The following DCAF6 variants were observed in gnomAD, a reference collection of about 807,000 sequenced individuals.
The protein encoded by DCAF6 is DDB1- and CUL4-associated factor 6.
DCAF6 carries 54 observed loss-of-function variants against 125.1 expected under a neutral mutation model. That is an observed-to-expected ratio of 0.43 (90% CI 0.35 to 0.54). The LOEUF (loss-of-function observed/expected upper bound fraction) is 0.54, where lower values mean the gene tolerates loss of function less well. Among genes scored for constraint, DCAF6 ranks in the 20% least tolerant of loss-of-function variants. DCAF6 has a pLI of 0.01. For synonymous variants in DCAF6, 371 were observed against 390.4 expected (o/e 0.95, Z 0.58); for missense variants, 934 against 1,161.7 (o/e 0.80, Z 2.85).
chr1:168,070,505 G>C (rs1692894343), intron 21 of DCAF6, among the ~76,000 whole-genome samples: 2 of 152,174 alleles, frequency 1.3e-5, no homozygotes, highest in African/African-American at 4.8e-5. Flanking sequence ...GATACGGACA[G>C]TTTCTTTCTG....
the DCAF6 span, chr1:167,924,641 T>C: frequency 3.8e-6 from 3 of 789,764 alleles, no homozygotes; most frequent in East Asian, 8.4e-5. Context: ...TTTATCAACC[T>C]ATTTTTAACC....
At chr1:168,041,995 A>G (rs1171897896) in intron 13 of DCAF6, among the ~76,000 whole-genome samples, 1 of 151,794 alleles carries the variant, frequency 6.6e-6, no homozygotes, top group Non-Finnish European at 1.5e-5. Context: ...ACACTGATGC[A>G]TAGCCTTCCT....
the DCAF6 span, among the ~76,000 whole-genome samples, chr1:167,908,050 C>G: frequency 6.6e-6 from 1 of 152,204 alleles, no homozygotes; most frequent in Non-Finnish European, 1.5e-5. Flanking sequence ...ATCTAACAAT[C>G]CCACATCTGG....
the DCAF6 span, chr1:167,901,610 G>C: frequency 6.3e-7 from 1 of 1,577,162 alleles, no homozygotes. Flanking sequence ...TGCCCCAGGA[G>C]TCAAGACCCT....
chr1:167,870,326 C>A, the DCAF6 span: 13 of 1,613,928 alleles, frequency 8.1e-6, no homozygotes, highest in Non-Finnish European at 1.1e-5. Context: ...TCCTGGTAAT[C>A]CCTCATACAT....
intron 1 of DCAF6, among the ~76,000 whole-genome samples, chr1:167,940,491 C>T (rs1672075383): frequency 6.7e-6 from 1 of 150,242 alleles, no homozygotes; most frequent in Non-Finnish European, 1.5e-5. Flanking sequence ...CATCCTCCCA[C>T]CTCAGCCTCC....
intron 12 of DCAF6, among the ~76,000 whole-genome samples, chr1:168,031,996 T>G (rs1558003393): frequency 6.6e-6 from 1 of 152,138 alleles, no homozygotes; most frequent in Non-Finnish European, 1.5e-5. Context: ...AAGCACAGTT[T>G]CAATCTAAAT....
At chr1:167,900,284 T>C in the DCAF6 span, among the ~76,000 whole-genome samples, 1 of 152,218 alleles carries the variant, frequency 6.6e-6, no homozygotes, top group Admixed American at 6.5e-5. Context: ...TATACTGATT[T>C]GTCAGGGCTG....
At chr1:168,068,237 AC>A in intron 20 of DCAF6, 120 bp from the exon 21 acceptor site, 1 of 570,716 alleles carries the variant, frequency 1.8e-6, no homozygotes, top group South Asian at 2.3e-5. Flanking sequence ...TAGACATCAG[AC>A]GCATAAAGAA....
At chr1:167,994,983 A>C (rs1681438312) in intron 7 of DCAF6, among the ~76,000 whole-genome samples, 1 of 151,658 alleles carries the variant, frequency 6.6e-6, no homozygotes, top group Non-Finnish European at 1.5e-5. Flanking sequence ...TACTTTATAA[A>C]TATACTTTGA....
intron 7 of DCAF6, among the ~76,000 whole-genome samples, chr1:167,994,046 A>G (rs1681270626): frequency 6.6e-6 from 1 of 150,518 alleles, no homozygotes; most frequent in African/African-American, 2.5e-5. Context: ...TAGTAATGAC[A>G]AAAATAGTAT....
intron 7 of DCAF6, among the ~76,000 whole-genome samples, chr1:168,001,395 A>G (rs1232241069): frequency 2.0e-5 from 3 of 152,190 alleles, no homozygotes; most frequent in South Asian, 2.1e-4. Context: ...TGAGTTGGCA[A>G]TTGATTATTG....
At chr1:167,997,076 A>G (rs535722043) in intron 7 of DCAF6, among the ~76,000 whole-genome samples, 24 of 152,272 alleles carry the variant, frequency 1.6e-4, no homozygotes, top group African/African-American at 5.3e-4. Context: ...TTGTTTTCCA[A>G]TACCTGTAAT....
chr1:167,879,504 C>G, the DCAF6 span, among the ~76,000 whole-genome samples: 1 of 152,090 alleles, frequency 6.6e-6, no homozygotes, highest in African/African-American at 2.4e-5. Context: ...CCCATCCCAA[C>G]AAGCCATTAG....
At chr1:167,930,700 C>A in the DCAF6 span, among the ~76,000 whole-genome samples, 4 of 152,138 alleles carry the variant, frequency 2.6e-5, no homozygotes, top group African/African-American at 7.2e-5. Context: ...GATAGAGCAA[C>A]GACTAGAACA....
At chr1:167,894,604 A>C in the DCAF6 span, among the ~76,000 whole-genome samples, 1 of 151,482 alleles carries the variant, frequency 6.6e-6, no homozygotes. Flanking sequence ...GAAGAAAATG[A>C]TAATGTGAAA....
intron 1 of DCAF6, among the ~76,000 whole-genome samples, chr1:167,946,795 C>G (rs1353500037): frequency 2.0e-5 from 3 of 152,028 alleles, no homozygotes; most frequent in Non-Finnish European, 4.4e-5. Flanking sequence ...AGGATTTTTG[C>G]ATTTGTGTTC....
rs753496627 is a variant in DCAF6, at chr1:167,993,400, G to A, written c.863G>A (p.Arg288Gln). Residue 288 changes from arginine (R) to glutamine (Q), a missense_variant, in exon 7 of 22, where the codon CGA (arginine) becomes CAA (glutamine). Physicochemically the swap from Arg to Gln is conservative, Grantham distance 43 (BLOSUM62 1). Around this residue, in one of 5 missense-constraint regions of DCAF6, gnomAD observed 309 missense variants for 381.2 expected, o/e 0.81. Coordinates refer to ENST00000367840, the MANE Select transcript of DCAF6 (RefSeq NM_001198956.2). ...YLFDPKDDTARELKTPSAEER... is the reference protein window; with the variant it reads ...YLFDPKDDTAQELKTPSAEER... ...TTTGACCCGAAAGATGATACAGCAC[G>A]AGAACTTAAAACTCCTTCTGCGGAA... 4 of 1,613,846 alleles carry A rather than the reference G, an allele frequency of 2.5e-6. No homozygotes were observed. The highest frequency in any genetic ancestry group is 2.2e-5 in the South Asian group (2 of 91,070).
At chr1:168,004,504 T>C (rs1428762385) in intron 9 of DCAF6, 29 bp from the exon 10 acceptor site, 2 of 1,605,074 alleles carry the variant, frequency 1.2e-6, no homozygotes, top group East Asian at 2.2e-5. Flanking sequence ...TATTTAAAAT[T>C]TGAATTTGCC....
Sources: allele counts gnomAD v4.1 joint callset (sites outside exome capture counted in the v4.1 genomes callset), GRCh38; gene constraint gnomAD v4.1.1; regional missense constraint gnomAD v4.1.1; transcripts MANE v1.5; gene names NCBI Gene and HGNC (gene_info 2026-07-23, HGNC 2026-07-21).